The following ATXN1 variants were observed in gnomAD, a reference collection of about 807,000 sequenced individuals.
ATXN1 encodes the protein ataxin-1.
A neutral mutation model predicts 56.4 loss-of-function variants in ATXN1; 8 were observed. The ratio of observed to expected loss-of-function variants is 0.14; its 90% CI spans 0.08 to 0.26. The LOEUF is 0.26. Ranked by LOEUF, ATXN1 falls within the 10% of genes least tolerant of loss-of-function variation. The pLI, the probability that ATXN1 is intolerant of heterozygous loss-of-function variation, is 1.00. For synonymous variants in ATXN1, 514 were observed against 494.6 expected (o/e 1.04, Z -0.52); for missense variants, 987 against 1,106.5 (o/e 0.89, Z 1.53).
At chr6:16,754,398 T>C (rs945743603) in intron 1 of ATXN1, among the ~76,000 whole-genome samples, 9 of 152,196 alleles carry the variant, frequency 5.9e-5, no homozygotes, top group Non-Finnish European at 1.0e-4. Context: ...CCCAGGTTTA[T>C]ATTGGATGTC....
At position 16,492,742 on chromosome 6, in the gene ATXN1, C is replaced by T. The variant is rs752010642; in HGVS notation, c.-298-6633G>A. On this transcript the variant is annotated intron_variant, in intron 5 of 7. Coordinates refer to ENST00000436367, the MANE Select transcript of ATXN1 (RefSeq NM_001128164.2). Reference sequence around the variant, plus strand: ...TAGGGGACAGATTTCCTAAGGCTATCTGCTCAGTTCTATTCACTTTCTATA... The same window carrying T: ...TAGGGGACAGATTTCCTAAGGCTATTTGCTCAGTTCTATTCACTTTCTATA... Among the ~76,000 whole-genome samples, 28 of 152,244 alleles carry T rather than the reference C, an allele frequency of 1.8e-4. 1 individual carries two copies. Among genetic ancestry groups the T allele is most frequent in the South Asian group, 2.1e-4 (1 of 4,830 alleles).
intron 6 of ATXN1, among the ~76,000 whole-genome samples, chr6:16,421,315 G>C (rs1036194331): frequency 6.6e-6 from 1 of 151,442 alleles, no homozygotes; most frequent in Non-Finnish European, 1.5e-5. Context: ...TGTCATTTTC[G>C]TCACTTTAAC....
chr6:16,731,374 G>T (rs1180093763), intron 2 of ATXN1, among the ~76,000 whole-genome samples: 1 of 150,534 alleles, frequency 6.6e-6, no homozygotes, highest in Non-Finnish European at 1.5e-5. Context: ...TGAGAAATGA[G>T]GGCATCAGAG....
At chr6:16,436,696 G>T (rs954318527) in intron 6 of ATXN1, among the ~76,000 whole-genome samples, 9 of 152,170 alleles carry the variant, frequency 5.9e-5, no homozygotes, top group African/African-American at 1.9e-4. Context: ...CTGAGTAAAG[G>T]GGGTGGGGAG....
In ATXN1 at chr6:16,327,015, C is replaced by T. The variant is rs755437781; in HGVS notation, c.1296G>A (p.Thr432=). 4.3e-5 allele frequency: 69 copies of T among 1,614,092 alleles called. No homozygotes were observed. The highest frequency in any genetic ancestry group is 1.6e-4 in the Middle Eastern group (1 of 6,062). The part of the protein sequence containing the change: ...GHRSYALSPH[T]VIQTTHSASE... Reference sequence around the variant, plus strand: ...AAGCACTGTGTGTGGTCTGAATGACCGTGTGGGGTGAGAGCGCGTAGGACC... The same window carrying T: ...AAGCACTGTGTGTGGTCTGAATGACTGTGTGGGGTGAGAGCGCGTAGGACC... Residue 432 remains threonine, a synonymous_variant, in exon 7 of 8, where the codon ACG becomes ACA. Coordinates refer to ENST00000436367, the MANE Select transcript of ATXN1 (RefSeq NM_001128164.2).
intron 2 of ATXN1, among the ~76,000 whole-genome samples, chr6:16,725,251 CTG>C (rs1759824442): frequency 1.3e-5 from 2 of 152,162 alleles, no homozygotes; most frequent in East Asian, 3.8e-4. Context: ...GCTGAGTTTT[CTG>C]TGTTTATTTA....
chr6:16,708,086 T>C (rs77660263), intron 2 of ATXN1, among the ~76,000 whole-genome samples: 417 of 151,890 alleles, frequency 2.7e-3, no homozygotes, highest in African/African-American at 9.3e-3. Context: ...AATGAACATA[T>C]ACAATGACAT....
rs1763558424 is a variant in ATXN1, at chr6:16,634,445, T to C, written c.-489+23331A>G. On this transcript the variant is annotated intron_variant, in intron 3 of 7. Coordinates refer to ENST00000436367, the MANE Select transcript of ATXN1 (RefSeq NM_001128164.2). ...AAAAAACAGCTTTATTAAGATTTAA[T>C]TTACATATAACTCAAGTGTATAACT... Among the ~76,000 whole-genome samples the C allele has an allele frequency of 2.7e-5, 4 of 146,256 alleles. 1 individual carries two copies. In the South Asian group the frequency reaches 8.9e-4, roughly 32 times the overall value.
At chr6:16,401,217 C>A (rs1249026624) in intron 6 of ATXN1, among the ~76,000 whole-genome samples, 1 of 152,146 alleles carries the variant, frequency 6.6e-6, no homozygotes. Context: ...CGAGGGTTGG[C>A]AAGACTTGCT....
intron 4 of ATXN1, among the ~76,000 whole-genome samples, 169 bp from the exon 5 acceptor site, chr6:16,522,857 C>G (rs991565836): frequency 2.6e-5 from 4 of 152,156 alleles, no homozygotes; most frequent in Non-Finnish European, 5.9e-5. Context: ...ATTTGGCTGA[C>G]TATATGAATT....
chr6:16,571,164 A>G (rs1037430540), intron 4 of ATXN1, among the ~76,000 whole-genome samples: 1 of 152,168 alleles, frequency 6.6e-6, no homozygotes, highest in Non-Finnish European at 1.5e-5. Flanking sequence ...AAAACAAGAC[A>G]GCTATTGTAT....
At chr6:16,737,144 A>G (rs1346394617) in intron 2 of ATXN1, 1 of 152,180 alleles carries the variant, frequency 6.6e-6, no homozygotes, top group African/African-American at 2.4e-5. Context: ...ATCGTGAAAT[A>G]TTTTCCTAAC....
chr6:16,548,702 T>C (rs976593887), intron 4 of ATXN1, among the ~76,000 whole-genome samples: 1 of 152,090 alleles, frequency 6.6e-6, no homozygotes, highest in Non-Finnish European at 1.5e-5. Flanking sequence ...GGCGGGTGGA[T>C]TGCTTGAGGC....
intron 2 of ATXN1, among the ~76,000 whole-genome samples, chr6:16,700,123 T>A (rs557965133): frequency 1.3e-5 from 2 of 152,176 alleles, no homozygotes; most frequent in East Asian, 3.9e-4. Context: ...AGTTTGTGCT[T>A]TGCAGCAGAG....
chr6:16,579,660 T>C (rs1187817393), intron 4 of ATXN1, among the ~76,000 whole-genome samples: 1 of 152,066 alleles, frequency 6.6e-6, no homozygotes, highest in Non-Finnish European at 1.5e-5. Flanking sequence ...TTGGCTATGT[T>C]TATTTGTTTA....
intron 5 of ATXN1, among the ~76,000 whole-genome samples, chr6:16,518,007 T>C (rs2113691476): frequency 6.6e-6 from 1 of 152,378 alleles, no homozygotes; most frequent in Admixed American, 6.5e-5. Context: ...TTTTAAATAC[T>C]GGGATACATG....
At chr6:16,633,193 CTGTTAACT>C (rs1463390158) in intron 3 of ATXN1, among the ~76,000 whole-genome samples, 1 of 152,100 alleles carries the variant, frequency 6.6e-6, no homozygotes, top group Non-Finnish European at 1.5e-5. Flanking sequence ...CATGTTTCAC[CTGTTAACT>C]TGTTTACTTC....
chr6:16,454,125 C>CCAAAAA (rs1759816129), intron 6 of ATXN1, among the ~76,000 whole-genome samples: 1 of 76,668 alleles, frequency 1.3e-5, no homozygotes, highest in East Asian at 5.0e-4. Context: ...GACTCTGTCT[C>CCAAAAA]AAAAAAAAAA....
rs562210666 is a variant in ATXN1, at chr6:16,741,175, A to T, written c.-615+12058T>A. 5.9e-5 allele frequency among the ~76,000 whole-genome samples: 9 copies of T among 152,300 alleles called. No individual in the cohort carries two copies. The South Asian group carries it at 1.9e-3, about 32-fold the overall frequency. ...GTTTTCTCCCCTAGAAAATGAGGGTACTTTTCTACTCAAGCAGTCATTATG... is the reference window on the plus strand; with the variant it reads ...GTTTTCTCCCCTAGAAAATGAGGGTTCTTTTCTACTCAAGCAGTCATTATG... On this transcript the variant is annotated intron_variant, in intron 2 of 7. Transcript: ENST00000436367.
Sources: allele counts gnomAD v4.1 joint callset (sites outside exome capture counted in the v4.1 genomes callset), GRCh38; gene constraint gnomAD v4.1.1; transcripts MANE v1.5; gene names NCBI Gene and HGNC (gene_info 2026-07-23, HGNC 2026-07-21).